CUX1: variants seen among roughly 807,000 people sequenced by gnomAD.
CUX1 encodes the protein cut like homeobox 1.
Under a neutral mutation model 158.8 loss-of-function variants are expected in CUX1, and 31 were observed. That is an observed-to-expected ratio of 0.20 (90% confidence interval 0.15 to 0.26). The LOEUF (loss-of-function observed/expected upper bound fraction) is 0.26, where lower values mean the gene tolerates loss of function less well. CUX1 is among the 10% of genes least tolerant of loss of function. The probability of loss-of-function intolerance (pLI) is 1.00; values close to 1 mark genes in which losing one functional copy is unlikely to be tolerated. For missense variants in CUX1, 1,589 were observed against 2,014.6 expected, an observed-to-expected ratio of 0.79 and a Z score of 4.04; for synonymous variants, 879 against 862.1, an observed-to-expected ratio of 1.02 and a Z score of -0.34.
At chr7:101,915,208 C>T (rs1352876755) in intron 1 of CUX1, among the ~76,000 whole-genome samples, 1 of 152,166 alleles carries the variant, frequency 6.6e-6, no homozygotes, top group East Asian at 1.9e-4. Flanking sequence ...TGGGCGCCTG[C>T]TGTCAGCCTG....
At chr7:102,133,804 T>A (rs1190666465) in intron 8 of CUX1, among the ~76,000 whole-genome samples, 2 of 151,562 alleles carry the variant, frequency 1.3e-5, no homozygotes, top group Non-Finnish European at 2.9e-5. Flanking sequence ...TCCATCAGTG[T>A]CTAACTGCAA....
At chr7:101,927,599 A>G (rs896726810) in intron 2 of CUX1, among the ~76,000 whole-genome samples, 1 of 152,156 alleles carries the variant, frequency 6.6e-6, no homozygotes. Context: ...GCAGTGAGCT[A>G]TGATTGCGTC....
chr7:102,176,248 G>A (rs1267815639), intron 10 of CUX1, among the ~76,000 whole-genome samples: 3 of 152,218 alleles, frequency 2.0e-5, no homozygotes, highest in Admixed American at 1.3e-4. Flanking sequence ...ATGCCTGCCT[G>A]TCCCCAAATT....
At chr7:101,825,515 C>T (rs1290761298) in intron 1 of CUX1, among the ~76,000 whole-genome samples, 1 of 151,116 alleles carries the variant, frequency 6.6e-6, no homozygotes, top group Non-Finnish European at 1.5e-5. Flanking sequence ...AGCTGGCCGT[C>T]CCAGAGGGAA....
At chr7:101,821,860 T>TTTG in intron 1 of CUX1, among the ~76,000 whole-genome samples, 1 of 135,516 alleles carries the variant, frequency 7.4e-6, no homozygotes, top group African/African-American at 2.8e-5. Context: ...TTTTTTTGTT[T>TTTG]TTTTTTTTTT....
chr7:102,062,173 G>A (rs1422828395), intron 3 of CUX1, among the ~76,000 whole-genome samples: 3 of 152,304 alleles, frequency 2.0e-5, no homozygotes, highest in South Asian at 4.1e-4. Flanking sequence ...AAAGCATTTC[G>A]TGTGGCTATG....
chr7:102,258,253 A>AT, downstream of CUX1: 1 of 916,172 alleles, frequency 1.1e-6, no homozygotes, highest in Non-Finnish European at 1.3e-6. Context: ...GGTTGTTTTT[A>AT]TTTAAAGTGC....
intron 15 of CUX1, among the ~76,000 whole-genome samples, chr7:102,273,718 G>A (rs1406406571): frequency 1.1e-4 from 16 of 152,250 alleles, no homozygotes; most frequent in South Asian, 2.1e-4. Flanking sequence ...GCTTCCTAGC[G>A]GTAGCACAGA....
rs1486004860 is a variant in CUX1 at position 102,248,652 on chromosome 7, G to A, written c.4128G>A (p.Pro1376=). 3 of 1,366,614 alleles carry A rather than the reference G, an allele frequency of 2.2e-6. No individual in the cohort carries two copies. Among genetic ancestry groups the A allele is most frequent in the South Asian group, 3.0e-5 (2 of 67,180 alleles). 84.7% of individuals were successfully genotyped at this position (1,366,614 alleles called of 1,614,324 possible). ...VPRPAEQTEP[P]PSGTPGPDDA... ...GGCCGGCGGAGCAGACGGAGCCGCCGCCCTCGGGGACCCCGGGCCCGGACG... is the reference window on the plus strand; with the variant it reads ...GGCCGGCGGAGCAGACGGAGCCGCCACCCTCGGGGACCCCGGGCCCGGACG... The change falls in exon 24 of 24, where the codon CCG becomes CCA. Residue 1376 remains proline (P), a synonymous_variant. Coordinates refer to ENST00000292535, the MANE Select transcript of CUX1 (RefSeq NM_181552.4). The surrounding 1 kb of genome is among the most constrained non-coding windows in gnomAD (Gnocchi z 5.8).
intron 2 of CUX1, among the ~76,000 whole-genome samples, chr7:102,024,859 T>C (rs1819802444): frequency 6.6e-6 from 1 of 152,212 alleles, no homozygotes; most frequent in Non-Finnish European, 1.5e-5. Context: ...GTTAGCTTCC[T>C]GTTGCTGCTG....
At position 101,976,900 on chromosome 7, in the gene CUX1, A is replaced by ATTTTTTTTTTTTT. The variant is rs10643207; in HGVS notation, c.142-51182_142-51170dup. ...ATTTGAATAGTCTTTTCCCTTTCTG[A>ATTTTTTTTTTTTT]TTTTTTTTTTTTTTTTTTTTTTTTT... On this transcript the variant is annotated intron_variant, in intron 2 of 23. Transcript: ENST00000292535. Among the ~76,000 whole-genome samples the ATTTTTTTTTTTTT allele has an allele frequency of 1.2e-3, 46 of 39,458 alleles. 6 individuals carry two copies. The highest frequency in any genetic ancestry group is 1.2e-3 in the Non-Finnish European group (29 of 23,754). 25.9% of individuals were successfully genotyped at this position (39,458 alleles called of 152,430 possible). A position where few individuals can be genotyped will look rare whatever the true frequency, so the allele number is the denominator to read the frequency against.
At chr7:102,168,918 C>CTTTTTTTTTTTTTTTTTTTTTTTTTTT (rs1239519322) in intron 9 of CUX1, among the ~76,000 whole-genome samples, 5 of 84,138 alleles carry the variant, frequency 5.9e-5, no homozygotes, top group Admixed American at 1.2e-4. Flanking sequence ...CTTTTATTTT[C>CTTTTTTTTTTTTTTTTTTTTTTTTTTT]TTTTCTTTTC....
chr7:101,914,027 C>G (rs1326108119), intron 1 of CUX1, among the ~76,000 whole-genome samples: 1 of 152,048 alleles, frequency 6.6e-6, no homozygotes, highest in Non-Finnish European at 1.5e-5. Flanking sequence ...TCTGTATCCC[C>G]CGTTCCACCA....
At chr7:101,950,076 T>A (rs1021685672) in intron 2 of CUX1, among the ~76,000 whole-genome samples, 1 of 152,070 alleles carries the variant, frequency 6.6e-6, no homozygotes, top group Admixed American at 6.6e-5. Context: ...GCTGGCGCGA[T>A]CTCAGCTCAC....
chr7:102,283,148 G>T, exon 23 of CUX1: 2 of 1,378,604 alleles, frequency 1.5e-6, no homozygotes, highest in Non-Finnish European at 2.1e-6. Context: ...ACTGCTCAGT[G>T]CATCTAATCA....
At chr7:101,865,682 G>A (rs1797870833) in intron 1 of CUX1, among the ~76,000 whole-genome samples, 1 of 152,254 alleles carries the variant, frequency 6.6e-6, no homozygotes, top group African/African-American at 2.4e-5. Context: ...CGAAGGGTGT[G>A]CGTGCACCCT....
At chr7:102,230,415 G>A (rs1202995528) in intron 21 of CUX1, among the ~76,000 whole-genome samples, 2 of 151,104 alleles carry the variant, frequency 1.3e-5, no homozygotes, top group African/African-American at 4.9e-5. Flanking sequence ...AGTCCAGGAG[G>A]TTGAGGCAGC....
intron 2 of CUX1, among the ~76,000 whole-genome samples, chr7:102,026,550 T>C (rs1159629364): frequency 5.9e-5 from 9 of 152,028 alleles, no homozygotes; most frequent in Non-Finnish European, 1.3e-4. Flanking sequence ...CCTAGCCCGG[T>C]GGCTCATGCC....
At chr7:102,133,678 T>G (rs1324097867) in intron 8 of CUX1, among the ~76,000 whole-genome samples, 3 of 151,918 alleles carry the variant, frequency 2.0e-5, no homozygotes, top group African/African-American at 7.3e-5. Context: ...GGTTTCACCA[T>G]GTTGGCCAGG....
Sources: allele counts gnomAD v4.1 joint callset (sites outside exome capture counted in the v4.1 genomes callset), GRCh38; gene constraint gnomAD v4.1.1; non-coding constraint Gnocchi (gnomAD v3.1); transcripts MANE v1.5; gene names NCBI Gene and HGNC (gene_info 2026-07-23, HGNC 2026-07-21).